The following SRP19 variants were observed in gnomAD, a reference collection of about 807,000 sequenced individuals.
SRP19 encodes signal recognition particle 19 kDa protein.
A neutral mutation model predicts 22.4 loss-of-function variants in SRP19; 11 were observed. That is an observed-to-expected ratio of 0.49 (90% CI 0.31 to 0.81). The LOEUF is 0.81. Among genes scored for constraint, SRP19 ranks in the 40% least tolerant of loss-of-function variants. The pLI is 0.05. For synonymous variants in SRP19, 61 were observed against 57.6 expected (o/e 1.06, Z -0.27); for missense variants, 168 against 175.9 (o/e 0.96, Z 0.25).
At chr5:112,888,317 C>T (rs992562459) in intron 4 of SRP19, among the ~76,000 whole-genome samples, 3 of 152,182 alleles carry the variant, frequency 2.0e-5, no homozygotes, top group Non-Finnish European at 2.9e-5. Context: ...GTTTAAAATG[C>T]ACAAATAGCT....
intron 4 of SRP19, chr5:112,864,993 A>G (rs1420224363): frequency 3.5e-6 from 1 of 286,444 alleles, no homozygotes; most frequent in Non-Finnish European, 6.4e-6. Context: ...GAAGTCTGTC[A>G]TTGCTCCCAG....
chr5:112,875,772 C>A (rs567267237), intron 4 of SRP19, among the ~76,000 whole-genome samples: 2 of 151,910 alleles, frequency 1.3e-5, no homozygotes, highest in South Asian at 2.1e-4. Flanking sequence ...CAAAGCCAGG[C>A]GCGGTGGCTC....
intron 1 of SRP19, chr5:112,862,215 G>A (rs1451659976): frequency 2.4e-6 from 1 of 416,552 alleles, no homozygotes; most frequent in South Asian, 2.7e-5. Context: ...ATTTTCTAGG[G>A]TTTAAATACC....
intron 4 of SRP19, chr5:112,865,071 G>A (rs1251906458): frequency 1.7e-5 from 3 of 178,924 alleles, no homozygotes; most frequent in African/African-American, 4.7e-5. Flanking sequence ...GGTCCTTGAG[G>A]TCTGTTAATA....
rs529104650 is a variant in SRP19, at chr5:112,883,016, A to G, written c.302-8587A>G. 5.9e-5 allele frequency among the ~76,000 whole-genome samples: 9 copies of G among 152,290 alleles called. No homozygotes were observed. In the South Asian group the frequency reaches 1.9e-3, roughly 32 times the overall value. ...CCCTCTACTGTATACTGGATCCTTC[A>G]CTGGTCAAGGACAGAGCTCCAACAA... On this transcript the variant is annotated intron_variant, in intron 4 of 4. Transcript: ENST00000391338.
At chr5:112,864,089 A>G (rs1444744080) in intron 2 of SRP19, among the ~76,000 whole-genome samples, 1 of 152,242 alleles carries the variant, frequency 6.6e-6, no homozygotes, top group African/African-American at 2.4e-5. Context: ...GCATATATTC[A>G]GCTTTAGTAG....
rs569897974 is a variant in SRP19, at chr5:112,869,094, A to C, written c.*1557A>C. ...AGGGGATGTGTTTGCTGTGTAACAA[A>C]ACAATGAAGGATTTAAGCAGGATAT... On this transcript the variant is annotated 3_prime_UTR_variant, in exon 5 of 5. Coordinates refer to ENST00000505459, the MANE Select transcript of SRP19 (RefSeq NM_003135.3). The C allele has an allele frequency of 5.9e-5, 9 of 152,206 alleles. No homozygotes were observed. Among genetic ancestry groups the C allele is most frequent in the Non-Finnish European group, 1.2e-4 (8 of 68,044 alleles). 9.4% of individuals were successfully genotyped at this position (152,206 alleles called of 1,614,324 possible).
intron 2 of SRP19, among the ~76,000 whole-genome samples, chr5:112,863,204 T>A (rs778615909): frequency 2.0e-5 from 3 of 152,224 alleles, no homozygotes; most frequent in African/African-American, 7.2e-5. Flanking sequence ...ACCACCGTTA[T>A]GACTTCAACA....
downstream of SRP19, chr5:112,893,990 CTG>C (rs998740084): frequency 6.6e-6 from 1 of 152,222 alleles, no homozygotes; most frequent in Non-Finnish European, 1.5e-5. Flanking sequence ...AATTAAATGA[CTG>C]TATTTTTCAC....
At position 112,868,228 on chromosome 5, in the gene SRP19, A is replaced by G. The variant is rs1767671974; in HGVS notation, c.*691A>G. On this transcript the variant is annotated 3_prime_UTR_variant, in exon 5 of 5. Coordinates refer to ENST00000505459, the MANE Select transcript of SRP19 (RefSeq NM_003135.3). ...ACTGTGCTTTAGCACCTTGAGGTAC[A>G]CTTTCCTTCAACAAATGAAATTGGA... 1 of 985,506 alleles carries G rather than the reference A, an allele frequency of 1.0e-6. No homozygotes were observed. The highest frequency in any genetic ancestry group is 1.2e-6 in the Non-Finnish European group (1 of 829,986). The allele number at this position is 985,506 out of a possible 1,614,324, so 61.0% of individuals were successfully genotyped here.
intron 4 of SRP19, among the ~76,000 whole-genome samples, chr5:112,890,964 A>G (rs1768423938): frequency 6.6e-6 from 1 of 150,974 alleles, no homozygotes; most frequent in Non-Finnish European, 1.5e-5. Context: ...TGACCCAAGA[A>G]TACTGTGTTT....
chr5:112,878,306 T>A (rs1034776763), intron 4 of SRP19: 4 of 156,416 alleles, frequency 2.6e-5, no homozygotes, highest in Non-Finnish European at 1.4e-5. Context: ...ATGAGCATGA[T>A]GCATGTTGTA....
chr5:112,878,931 C>T, intron 4 of SRP19: 1 of 1,586,064 alleles, frequency 6.3e-7, no homozygotes, highest in Non-Finnish European at 8.6e-7. Flanking sequence ...TACTAGATAA[C>T]AAAACTTGGA....
intron 4 of SRP19, among the ~76,000 whole-genome samples, chr5:112,884,618 C>T (rs1561647062): frequency 6.6e-6 from 1 of 151,994 alleles, no homozygotes; most frequent in Non-Finnish European, 1.5e-5. Context: ...AACTTCTGGC[C>T]TCAAGTGATC....
At chr5:112,895,428 T>C (rs1768652862), downstream of SRP19, 1 of 152,122 alleles carries the variant, frequency 6.6e-6, no homozygotes, top group Admixed American at 6.5e-5. Flanking sequence ...ATCTCTGAAA[T>C]ATTACCTGCC....
rs141113736 is a variant in SRP19, at chr5:112,861,351, C to T, written c.-26C>T. The stretch of plus-strand genomic sequence containing the variant: ...TTCTGCCGGGTTTCTCCCTGCGGCT[C>T]CTGGGTTGTTGAGACTCTTGTGAAG... On this transcript the variant is annotated 5_prime_UTR_variant, in exon 1 of 5. Transcript: ENST00000505459. 1,051 of 1,614,160 alleles carry T rather than the reference C, an allele frequency of 6.5e-4. 7 individuals carry two copies. In the African/African-American group the frequency reaches 0.013, roughly 20 times the overall value.
intron 4 of SRP19, among the ~76,000 whole-genome samples, chr5:112,886,244 T>C (rs1053222996): frequency 2.6e-5 from 4 of 152,256 alleles, no homozygotes; most frequent in Non-Finnish European, 2.9e-5. Context: ...TTAAACGTCA[T>C]AGATAACCCC....
chr5:112,884,453 T>G (rs1055787371), intron 4 of SRP19, among the ~76,000 whole-genome samples: 1 of 151,940 alleles, frequency 6.6e-6, no homozygotes, highest in African/African-American at 2.4e-5. Context: ...CACAGCTCAC[T>G]TGCAGCCTTG....
In SRP19 at chr5:112,878,972, G is replaced by C. The variant is rs1194215049; in HGVS notation, c.302-12631G>C. ...CATGTTCAGGTGCGATCATGTTGGG[G>C]TTTGTGGTCTGGGCTAAGAGGGTTT... is the stretch of plus-strand genomic sequence containing the variant. On this transcript the variant is annotated intron_variant, in intron 4 of 4. Transcript: ENST00000391338. 9.4e-6 allele frequency: 13 copies of C among 1,384,370 alleles called. No individual in the cohort carries two copies. In the East Asian group the frequency reaches 2.6e-4, roughly 28 times the overall value. The allele number at this position is 1,384,370 out of a possible 1,614,324, so 85.8% of individuals were successfully genotyped here.
Sources: allele counts gnomAD v4.1 joint callset (sites outside exome capture counted in the v4.1 genomes callset), GRCh38; gene constraint gnomAD v4.1.1; transcripts MANE v1.5; gene names NCBI Gene and HGNC (gene_info 2026-07-23, HGNC 2026-07-21).